Variants in NPAS3 observed in about 807,000 individuals in gnomAD.
NPAS3 encodes neuronal PAS domain protein 3.
NPAS3 carries 14 observed loss-of-function variants against 73.1 expected under a neutral mutation model. That is an observed-to-expected ratio of 0.19 (90% confidence interval 0.13 to 0.30). NPAS3 has a LOEUF of 0.30. Among genes scored for constraint, NPAS3 ranks in the 10% least tolerant of loss-of-function variants. The pLI, the probability that NPAS3 is intolerant of heterozygous loss-of-function variation, is 1.00. For synonymous variants in NPAS3, 620 were observed against 541.5 expected, an observed-to-expected ratio of 1.14 and a Z score of -2.01; for missense variants, 1,096 against 1,250.0, an observed-to-expected ratio of 0.88 and a Z score of 1.86.
chr14:33,759,732 CT>C (rs1429262216), intron 7 of NPAS3, among the ~76,000 whole-genome samples: 6 of 152,214 alleles, frequency 3.9e-5, no homozygotes, highest in African/African-American at 1.4e-4. Flanking sequence ...TTTACCTGGC[CT>C]GCTACTGGTT....
At chr14:33,384,862 T>C (rs1303422039) in intron 4 of NPAS3, among the ~76,000 whole-genome samples, 1 of 152,178 alleles carries the variant, frequency 6.6e-6, no homozygotes, top group African/African-American at 2.4e-5. Context: ...TGATGAAGTT[T>C]GTATCAGTCA....
chr14:33,791,520 G>T (rs2063358562), intron 9 of NPAS3, among the ~76,000 whole-genome samples: 1 of 152,154 alleles, frequency 6.6e-6, no homozygotes, highest in African/African-American at 2.4e-5. Flanking sequence ...ACACCATACG[G>T]TCCCTTAGCA....
At chr14:33,493,280 A>G (rs916023498) in intron 4 of NPAS3, among the ~76,000 whole-genome samples, 3 of 149,568 alleles carry the variant, frequency 2.0e-5, no homozygotes, top group African/African-American at 7.4e-5. Flanking sequence ...CTTTCTGACA[A>G]TCGGGGGAAG....
intron 2 of NPAS3, chr14:33,214,912 C>T: frequency 4.5e-6 from 2 of 446,662 alleles, no homozygotes; most frequent in Non-Finnish European, 8.1e-6. Flanking sequence ...ATAAATACAC[C>T]TCAATGCATG....
rs765830832 is a variant in NPAS3 at position 33,800,426 on chromosome 14, C to T, written c.2119C>T (p.Leu707=). Residue 707 remains leucine (L), a synonymous_variant, in exon 12 of 12, where the codon CTG becomes TTG. Coordinates refer to ENST00000356141, the Ensembl canonical transcript of NPAS3. This position sits in a 1 kb window ranked among gnomAD's most constrained non-coding sequence, Gnocchi z 6.5. ...CGGTGGGGGTGGCGGTGGCGGGGGGCTGCACGTGGCCATTCCCGACTCGGT... is the reference window on the plus strand; with the variant it reads ...CGGTGGGGGTGGCGGTGGCGGGGGGTTGCACGTGGCCATTCCCGACTCGGT... 6 of 1,589,700 alleles carry T rather than the reference C, an allele frequency of 3.8e-6. No homozygotes were observed. The highest frequency in any genetic ancestry group is 5.1e-6 in the Non-Finnish European group (6 of 1,171,796).
chr14:33,090,068 T>A (rs1033300797), intron 2 of NPAS3, among the ~76,000 whole-genome samples: 1 of 152,160 alleles, frequency 6.6e-6, no homozygotes, highest in South Asian at 2.1e-4. Context: ...AGACCATCGA[T>A]GCTAGGAAGA....
chr14:33,626,899 T>G (rs542736359), intron 5 of NPAS3, among the ~76,000 whole-genome samples: 1 of 152,302 alleles, frequency 6.6e-6, no homozygotes, highest in Non-Finnish European at 1.5e-5. Context: ...CTTGCAGTAT[T>G]AAATATTAGT....
At chr14:33,430,179 G>A (rs1254949750) in intron 4 of NPAS3, among the ~76,000 whole-genome samples, 2 of 152,014 alleles carry the variant, frequency 1.3e-5, no homozygotes, top group African/African-American at 4.8e-5. Flanking sequence ...ATCAACCCAG[G>A]GTCAAAATCC....
At position 33,051,296 on chromosome 14, in the gene NPAS3, A is replaced by AAAAAGAG. The variant is rs771840433; in HGVS notation, c.51-4608_51-4607insAAAGAGA. 3.0e-3 allele frequency among the ~76,000 whole-genome samples: 431 copies of AAAAAGAG among 142,548 alleles called. 13 individuals are homozygous for AAAAAGAG. Among genetic ancestry groups the AAAAAGAG allele is most frequent in the African/African-American group, 0.011 (406 of 36,168 alleles). 93.5% of individuals were successfully genotyped at this position (142,548 alleles called of 152,430 possible). A position where few individuals can be genotyped will look rare whatever the true frequency, so the allele number is the denominator to read the frequency against. On this transcript the variant is annotated intron_variant, in intron 1 of 11. Transcript: ENST00000356141. ...ACTCCGTCTCAAAAAAAAAAAAAAA[A>AAAAAGAG]AGAGAGACTAAAGAACTTCCCCACT...
chr14:33,357,823 C>G lies in NPAS3; in HGVS notation c.386-9363C>G, dbSNP rs143098015. On this transcript the variant is annotated intron_variant, in intron 3 of 11. Transcript: ENST00000356141. Reference sequence around the variant, plus strand: ...CTCCAGGAGAACAATTAAATCAGGGCGGGACATGTCACATGTCCTCACAAC... The same window carrying G: ...CTCCAGGAGAACAATTAAATCAGGGGGGGACATGTCACATGTCCTCACAAC... 2.2e-4 allele frequency among the ~76,000 whole-genome samples: 34 copies of G among 152,220 alleles called. No individual in the cohort carries two copies. The East Asian group carries it at 2.3e-3, about 10-fold the overall frequency.
intron 1 of NPAS3, among the ~76,000 whole-genome samples, chr14:33,039,080 C>A (rs1236519969): frequency 1.3e-5 from 2 of 152,104 alleles, no homozygotes; most frequent in Non-Finnish European, 2.9e-5. Context: ...AAGCCACGAC[C>A]AAGAATTCTT....
intron 5 of NPAS3, among the ~76,000 whole-genome samples, chr14:33,651,671 G>A (rs1474814378): frequency 6.6e-6 from 1 of 151,904 alleles, no homozygotes; most frequent in Admixed American, 6.6e-5. Context: ...TCCTCTATTT[G>A]TACATTAAGG....
downstream of NPAS3, chr14:33,801,192 C>T (rs1370776126): frequency 6.6e-7 from 1 of 1,510,354 alleles, no homozygotes; most frequent in Non-Finnish European, 8.8e-7. Context: ...AATTCTAGCA[C>T]TTTGAATTCG....
At chr14:33,596,194 G>T (rs2057238197) in intron 5 of NPAS3, among the ~76,000 whole-genome samples, 1 of 152,168 alleles carries the variant, frequency 6.6e-6, no homozygotes, top group South Asian at 2.1e-4. Flanking sequence ...TCAGAGTGTA[G>T]CTTGCAGCCC....
chr14:33,760,477 G>C (rs762062813), intron 7 of NPAS3, among the ~76,000 whole-genome samples: 2 of 152,132 alleles, frequency 1.3e-5, no homozygotes. Context: ...ACATGATACA[G>C]GATCATTTGG....
At chr14:33,099,035 G>T (rs886907404) in intron 2 of NPAS3, among the ~76,000 whole-genome samples, 1 of 152,128 alleles carries the variant, frequency 6.6e-6, no homozygotes, top group Non-Finnish European at 1.5e-5. Flanking sequence ...GAACCTTGCG[G>T]CCTTTTTCCA....
At chr14:33,130,339 G>C (rs1358780425) in intron 2 of NPAS3, among the ~76,000 whole-genome samples, 1 of 152,142 alleles carries the variant, frequency 6.6e-6, no homozygotes, top group East Asian at 1.9e-4. Flanking sequence ...ACTATCCTTA[G>C]AGCCAGGCAG....
rs1205813574 is a variant in NPAS3, at chr14:33,792,646, G to A, written c.1154-1251G>A. Among the ~76,000 whole-genome samples, 4 of 151,554 alleles carry A rather than the reference G, an allele frequency of 2.6e-5. No homozygotes were observed. In the East Asian group the frequency reaches 7.7e-4, roughly 29 times the overall value. On this transcript the variant is annotated intron_variant, in intron 9 of 11. Coordinates refer to ENST00000356141, the Ensembl canonical transcript of NPAS3. ...ACTGTTGTATATGAAGCACTTATTAGCCGTAATTAAATGGACAATATGAAT... is the reference window on the plus strand; with the variant it reads ...ACTGTTGTATATGAAGCACTTATTAACCGTAATTAAATGGACAATATGAAT...
intron 3 of NPAS3, among the ~76,000 whole-genome samples, chr14:33,232,228 C>T (rs1392121608): frequency 6.6e-6 from 1 of 152,162 alleles, no homozygotes; most frequent in Non-Finnish European, 1.5e-5. Context: ...AAACTTCTCT[C>T]TAGACATAAC....
Sources: allele counts gnomAD v4.1 joint callset (sites outside exome capture counted in the v4.1 genomes callset), GRCh38; gene constraint gnomAD v4.1.1; non-coding constraint Gnocchi (gnomAD v3.1); transcripts MANE v1.5; gene names NCBI Gene and HGNC (gene_info 2026-07-23, HGNC 2026-07-21).